The following TPO variants were observed in gnomAD, a reference collection of about 807,000 sequenced individuals.
The protein encoded by TPO is thyroid microsomal antigen.
A neutral mutation model predicts 96.9 loss-of-function variants in TPO; 78 were observed. That is an observed-to-expected ratio of 0.81 (90% CI 0.67 to 0.97). TPO has a LOEUF of 0.97. TPO is among the 50% of genes least tolerant of loss of function. The pLI, the probability that TPO is intolerant of heterozygous loss-of-function variation, is 0.00. For missense variants in TPO, 1,252 were observed against 1,274.8 expected (o/e 0.98, Z 0.27); for synonymous variants, 547 against 538.0 (o/e 1.02, Z -0.23).
chr2:1,517,095 T>A, intron 15 of TPO, 113 bp downstream of exon 15: 1 of 1,063,080 alleles, frequency 9.4e-7, no homozygotes, highest in South Asian at 1.3e-5. Flanking sequence ...GTTACTGGTA[T>A]CTCAAAGGCA....
chr2:1,541,075 G>C, intron 16 of TPO: 1 of 1,232,474 alleles, frequency 8.1e-7, no homozygotes, highest in Non-Finnish European at 1.0e-6. Flanking sequence ...TGATTTTTAA[G>C]TGGAATAGTT....
chr2:1,393,449 C>T (rs1308294957), intron 1 of TPO, among the ~76,000 whole-genome samples: 8 of 152,190 alleles, frequency 5.3e-5, no homozygotes, highest in South Asian at 2.1e-4. Context: ...AGATCAGGTC[C>T]ACACAGCACC....
At chr2:1,431,579 T>G (rs1268103332) in intron 3 of TPO, among the ~76,000 whole-genome samples, 2 of 152,196 alleles carry the variant, frequency 1.3e-5, no homozygotes, top group Non-Finnish European at 2.9e-5. Flanking sequence ...ATCACTACCG[T>G]CAAACAAAGT....
intron 15 of TPO, among the ~76,000 whole-genome samples, chr2:1,534,464 CT>C (rs1679075767): frequency 2.2e-5 from 1 of 45,514 alleles, no homozygotes; most frequent in Non-Finnish European, 4.5e-5. Context: ...TCTCAAATCC[CT>C]CCCACTCTGT....
At chr2:1,418,845 AACCTT>A (rs1663215671) in intron 2 of TPO, among the ~76,000 whole-genome samples, 1 of 152,254 alleles carries the variant, frequency 6.6e-6, no homozygotes, top group Non-Finnish European at 1.5e-5. Flanking sequence ...AAAGTTGGCA[AACCTT>A]ATTCCAGTTC....
At chr2:1,494,480 C>A (rs28991275) in intron 11 of TPO, among the ~76,000 whole-genome samples, 1 of 152,208 alleles carries the variant, frequency 6.6e-6, no homozygotes, top group Non-Finnish European at 1.5e-5. Flanking sequence ...CCCGGCCCCC[C>A]AGACCCCACC....
intron 7 of TPO, 56 bp downstream of exon 7, chr2:1,456,338 G>T: frequency 6.4e-7 from 1 of 1,566,402 alleles, no homozygotes; most frequent in South Asian, 1.1e-5. Flanking sequence ...TATTTAAAAC[G>T]TCAAACAGAA....
intron 13 of TPO, among the ~76,000 whole-genome samples, chr2:1,498,351 TAGAAG>T (rs779709042): frequency 1.3e-5 from 2 of 152,064 alleles, no homozygotes; most frequent in East Asian, 1.9e-4. Context: ...ACCTTCCCAT[TAGAAG>T]AGGAGAGAAG....
chr2:1,376,720 GAAAGA>G (rs974640157), intron 1 of TPO, among the ~76,000 whole-genome samples: 8 of 152,032 alleles, frequency 5.3e-5, no homozygotes, highest in African/African-American at 1.9e-4. Flanking sequence ...TTTCTCCTGT[GAAAGA>G]AAAGTAAAGA....
chr2:1,537,807 CAA>C (rs1680175803), intron 15 of TPO, among the ~76,000 whole-genome samples: 1 of 104,984 alleles, frequency 9.5e-6, no homozygotes, highest in African/African-American at 3.7e-5. Flanking sequence ...GCAATGTCCC[CAA>C]ATCCCCCCAC....
chr2:1,465,943 G>T (rs1034699852), intron 7 of TPO, among the ~76,000 whole-genome samples: 2 of 152,144 alleles, frequency 1.3e-5, no homozygotes, highest in South Asian at 2.1e-4. Flanking sequence ...AAGAGGAGTG[G>T]TGAGAGTAGG....
chr2:1,442,258 T>C (rs1666272549), intron 5 of TPO, among the ~76,000 whole-genome samples: 1 of 152,162 alleles, frequency 6.6e-6, no homozygotes, highest in South Asian at 2.1e-4. Context: ...ATGAAGCCTC[T>C]CAGCTACTGG....
intron 14 of TPO, among the ~76,000 whole-genome samples, chr2:1,505,899 A>T (rs1673400759): frequency 6.7e-6 from 1 of 150,206 alleles, no homozygotes; most frequent in African/African-American, 2.5e-5. Context: ...TTTAGGGTAC[A>T]TGTGCACAAC....
At chr2:1,541,206 CAG>C in intron 16 of TPO, 1 of 1,167,400 alleles carries the variant, frequency 8.6e-7, no homozygotes, top group Non-Finnish European at 1.1e-6. Context: ...CTGAGAGAAG[CAG>C]AGAGCAGAAC....
intron 15 of TPO, among the ~76,000 whole-genome samples, chr2:1,530,866 T>A (rs1429268266): frequency 6.6e-5 from 7 of 106,342 alleles, no homozygotes; most frequent in East Asian, 3.0e-4. Context: ...CCCCACTGTG[T>A]GCAACCTCCG....
At chr2:1,393,548 A>G (rs2148362115) in intron 1 of TPO, among the ~76,000 whole-genome samples, 1 of 152,306 alleles carries the variant, frequency 6.6e-6, no homozygotes, top group East Asian at 1.9e-4. Flanking sequence ...ACCTGCTGAT[A>G]TCAAGCTCAG....
intron 9 of TPO, 120 bp downstream of exon 9, chr2:1,484,974 G>A: frequency 6.8e-7 from 1 of 1,463,626 alleles, no homozygotes; most frequent in Admixed American, 2.0e-5. Context: ...TGTTACGTAG[G>A]GTATACATGT....
At chr2:1,480,910 C>T (rs905080768) in intron 8 of TPO, among the ~76,000 whole-genome samples, 20 of 138,866 alleles carry the variant, frequency 1.4e-4, no homozygotes, top group Non-Finnish European at 4.9e-5. Context: ...ATCTTGGCTC[C>T]TCTAATTTCT....
At chr2:1,393,286 G>A (rs1662031745) in intron 1 of TPO, among the ~76,000 whole-genome samples, 1 of 152,198 alleles carries the variant, frequency 6.6e-6, no homozygotes. Flanking sequence ...CTATGAGGAG[G>A]ATGCTGCTAA....
Sources: allele counts gnomAD v4.1 joint callset (sites outside exome capture counted in the v4.1 genomes callset), GRCh38; gene constraint gnomAD v4.1.1; transcripts MANE v1.5; gene names NCBI Gene and HGNC (gene_info 2026-07-23, HGNC 2026-07-21).